DENND2C: variants seen among roughly 807,000 people sequenced by gnomAD.
DENND2C encodes the protein DENN domain-containing protein 2C.
Under a neutral mutation model 112.4 loss-of-function variants are expected in DENND2C, and 72 were observed. The observed-to-expected ratio is 0.64, with a 90% CI of 0.53 to 0.78. The LOEUF is 0.78. Ranked by LOEUF, DENND2C falls within the 30% of genes least tolerant of loss-of-function variation. The pLI, the probability that DENND2C is intolerant of heterozygous loss-of-function variation, is 0.00. For missense variants in DENND2C, 992 were observed against 1,113.8 expected, an observed-to-expected ratio of 0.89 and a Z score of 1.56; for synonymous variants, 329 against 381.6, an observed-to-expected ratio of 0.86 and a Z score of 1.61.
At chr1:114,633,064 GGAAATAAAT>G (rs918763079) in intron 3 of DENND2C, among the ~76,000 whole-genome samples, 2 of 152,102 alleles carry the variant, frequency 1.3e-5, no homozygotes, top group African/African-American at 4.8e-5. Flanking sequence ...ACAACAATGT[GGAAATAAAT>G]GTAAGACAAG....
rs563795901 is a variant in DENND2C at position 114,610,657 on chromosome 1, G to A, written c.1369+416C>T. ...AGAGGTTGCAGTGAGCCGAGCTTGCGCCACTGCACTCCAGCCTGAGTGACA... is the reference window on the plus strand; with the variant it reads ...AGAGGTTGCAGTGAGCCGAGCTTGCACCACTGCACTCCAGCCTGAGTGACA... On this transcript the variant is annotated intron_variant, in intron 9 of 20. Coordinates refer to ENST00000393274, the MANE Select transcript of DENND2C (RefSeq NM_001256404.2). Among the ~76,000 whole-genome samples the A allele has an allele frequency of 3.7e-4, 55 of 148,386 alleles. No individual in the cohort carries two copies. The Middle Eastern group carries it at 0.011, about 30-fold the overall frequency.
chr1:114,632,161 G>T (rs961687097), intron 3 of DENND2C, among the ~76,000 whole-genome samples: 1 of 152,156 alleles, frequency 6.6e-6, no homozygotes, highest in African/African-American at 2.4e-5. Flanking sequence ...GCTTCACTGG[G>T]ACAACATCAA....
intron 11 of DENND2C, 39 bp from the exon 12 acceptor site, chr1:114,602,233 A>G: frequency 6.3e-7 from 1 of 1,598,862 alleles, no homozygotes; most frequent in Non-Finnish European, 8.6e-7. Context: ...GATCCAAACA[A>G]TTACTTATGG....
chr1:114,629,081 T>C (rs1054602900), intron 3 of DENND2C, among the ~76,000 whole-genome samples: 1 of 152,252 alleles, frequency 6.6e-6, no homozygotes, highest in Admixed American at 6.5e-5. Flanking sequence ...TTAAAAATCA[T>C]TTTGTCTTTT....
chr1:114,600,082 C>A lies in DENND2C; in HGVS notation c.2105+122G>T, dbSNP rs188056603. The A allele has an allele frequency of 6.8e-4, 752 of 1,106,974 alleles. 5 individuals carry two copies. The African/African-American group carries it at 0.011, about 16-fold the overall frequency. 68.6% of individuals were successfully genotyped at this position (1,106,974 alleles called of 1,614,324 possible). Reference sequence around the variant, plus strand: ...TGTATACATATGTAATGAACCTGCACGTTGTGCACATGTACCCTAGAACTT... The same window carrying A: ...TGTATACATATGTAATGAACCTGCAAGTTGTGCACATGTACCCTAGAACTT... On this transcript the variant is annotated intron_variant, in intron 15 of 20. Transcript: ENST00000393274.
At chr1:114,662,687 G>T (rs1657530477) in intron 1 of DENND2C, among the ~76,000 whole-genome samples, 1 of 152,082 alleles carries the variant, frequency 6.6e-6, no homozygotes, top group Admixed American at 6.5e-5. Context: ...TAGGGGCCAG[G>T]CATAATGGCT....
chr1:114,613,195 T>C (rs1303526900), intron 8 of DENND2C, among the ~76,000 whole-genome samples: 2 of 152,198 alleles, frequency 1.3e-5, no homozygotes, highest in Non-Finnish European at 2.9e-5. Flanking sequence ...AGTACAGCTA[T>C]GTGGATCTCT....
Position 114,625,343 on chromosome 1 carries a change from A to G in DENND2C, c.642T>C (p.Arg214=), listed in dbSNP as rs1656303461. 1 of 1,614,176 alleles carries G rather than the reference A, an allele frequency of 6.2e-7. No homozygotes were observed. Among genetic ancestry groups the G allele is most frequent in the African/African-American group, 1.3e-5 (1 of 75,050 alleles). The change falls in exon 4 of 21, where the codon CGT becomes CGC. Residue 214 remains arginine, a synonymous_variant. Transcript: ENST00000393274. ...ATTCGGATAAATATCTGAATGTCCT[A>G]CGAGGTTTTGGCAAAGGATTTATGG... ...GPSINPLPKP[R]RTFRYLSESG...
At chr1:114,640,911 TA>T (rs996681012) in intron 3 of DENND2C, among the ~76,000 whole-genome samples, 1 of 152,206 alleles carries the variant, frequency 6.6e-6, no homozygotes, top group Non-Finnish European at 1.5e-5. Context: ...TAATTAAAGC[TA>T]TTTAATAGTT....
At chr1:114,635,791 G>C (rs1477994332) in intron 3 of DENND2C, among the ~76,000 whole-genome samples, 1 of 152,156 alleles carries the variant, frequency 6.6e-6, no homozygotes, top group Non-Finnish European at 1.5e-5. Flanking sequence ...CAGATCACTT[G>C]AGGTTAGGAG....
intron 1 of DENND2C, among the ~76,000 whole-genome samples, chr1:114,666,588 TG>T: frequency 6.6e-6 from 1 of 152,302 alleles, no homozygotes; most frequent in Middle Eastern, 3.4e-3. Context: ...CCCAAGTAGC[TG>T]GGATTACAGG....
chr1:114,630,050 C>T (rs1656445007), intron 3 of DENND2C, among the ~76,000 whole-genome samples: 1 of 152,012 alleles, frequency 6.6e-6, no homozygotes, highest in Non-Finnish European at 1.5e-5. Context: ...CGTGGTGGCT[C>T]ACGCCTGTAA....
chr1:114,654,074 G>T (rs1657241824), intron 2 of DENND2C, among the ~76,000 whole-genome samples: 1 of 152,134 alleles, frequency 6.6e-6, no homozygotes, highest in Non-Finnish European at 1.5e-5. Context: ...AGCTAACAAT[G>T]ATTATCTCTG....
intron 3 of DENND2C, among the ~76,000 whole-genome samples, chr1:114,632,620 G>A (rs1342989828): frequency 6.6e-6 from 1 of 152,154 alleles, no homozygotes; most frequent in East Asian, 1.9e-4. Context: ...TAATTTATGA[G>A]TCCAAGTACA....
chr1:114,667,396 T>C (rs1187557801), intron 1 of DENND2C, among the ~76,000 whole-genome samples: 1 of 152,196 alleles, frequency 6.6e-6, no homozygotes, highest in African/African-American at 2.4e-5. Flanking sequence ...TTGAATCTAA[T>C]ACTTAATTTA....
chr1:114,652,062 T>C (rs906067688), intron 2 of DENND2C, among the ~76,000 whole-genome samples: 6 of 152,154 alleles, frequency 3.9e-5, no homozygotes, highest in Non-Finnish European at 7.4e-5. Flanking sequence ...GGGAGCCGAC[T>C]GGCACAGAGT....
intron 8 of DENND2C, among the ~76,000 whole-genome samples, chr1:114,614,913 C>G (rs1655922477): frequency 6.6e-6 from 1 of 151,890 alleles, no homozygotes; most frequent in Admixed American, 6.6e-5. Flanking sequence ...ACTCGGGAGG[C>G]TGAGGCAGGA....
intron 8 of DENND2C, among the ~76,000 whole-genome samples, chr1:114,614,267 T>A (rs1655898245): frequency 6.6e-6 from 1 of 151,622 alleles, no homozygotes; most frequent in African/African-American, 2.4e-5. Context: ...ATATTTAGGT[T>A]GGAATATATT....
chr1:114,662,627 T>G (rs1254436482), intron 1 of DENND2C, among the ~76,000 whole-genome samples: 1 of 149,878 alleles, frequency 6.7e-6, no homozygotes, highest in Non-Finnish European at 1.5e-5. Context: ...TAACCAGAAG[T>G]CTAAGATTCA....
Sources: allele counts gnomAD v4.1 joint callset (sites outside exome capture counted in the v4.1 genomes callset), GRCh38; gene constraint gnomAD v4.1.1; transcripts MANE v1.5; gene names NCBI Gene and HGNC (gene_info 2026-07-23, HGNC 2026-07-21).